Variants in RGPD3 observed in about 807,000 individuals in gnomAD.
RGPD3 encodes the protein ranBP2-like and GRIP domain-containing protein 3.
In RGPD3, 62 loss-of-function variants were observed where a neutral mutation model predicts 154.5. The ratio of observed to expected loss-of-function variants is 0.40; its 90% CI spans 0.33 to 0.50. The LOEUF is 0.50. RGPD3 is among the 20% of genes least tolerant of loss of function. RGPD3 has a pLI of 0.59. For synonymous variants in RGPD3, 308 were observed against 607.0 expected (o/e 0.51, Z 7.24); for missense variants, 919 against 1,716.8 (o/e 0.54, Z 8.21).
In RGPD3 at chr2:106,426,106, A is replaced by G; in HGVS notation, c.2606-18T>C. The G allele has an allele frequency of 6.3e-7, 1 of 1,595,122 alleles. No homozygotes were observed. Among genetic ancestry groups the G allele is most frequent in the African/African-American group, 1.3e-5 (1 of 74,608 alleles). On this transcript the variant is annotated intron_variant, in intron 18 of 22. Transcript: ENST00000409886. The stretch of plus-strand genomic sequence containing the variant: ...AGTTGCAACTAAAAAAAAAAAAGAA[A>G]AGAAAGAAAACACTGTTAAAGTCTA...
chr2:106,418,919 C>A (rs1676897627), intron 20 of RGPD3, among the ~76,000 whole-genome samples: 1 of 146,462 alleles, frequency 6.8e-6, no homozygotes, highest in African/African-American at 2.5e-5. Context: ...TATTGACTCC[C>A]AAAAATCTGA....
rs1379992057 is a variant in RGPD3 at position 106,468,324 on chromosome 2, C to A, written c.-36G>T. The stretch of plus-strand genomic sequence containing the variant: ...ACCTGGCTCCCGAGATGCGTGAGAC[C>A]AGCGCTCAGCCCCGCAGCAGTCGCC... On this transcript the variant is annotated 5_prime_UTR_variant, in exon 1 of 23. Coordinates refer to ENST00000409886, the MANE Select transcript of RGPD3 (RefSeq NM_001144013.2). 1 of 1,584,254 alleles carries A rather than the reference C, an allele frequency of 6.3e-7. No homozygotes were observed. The highest frequency in any genetic ancestry group is 2.3e-5 in the East Asian group (1 of 43,444).
At chr2:106,442,469 T>A in intron 7 of RGPD3, among the ~76,000 whole-genome samples, 1 of 116,280 alleles carries the variant, frequency 8.6e-6, no homozygotes, top group Non-Finnish European at 1.8e-5. Context: ...AACCAGGAAA[T>A]TAAAGAGATC....
intron 22 of RGPD3, among the ~76,000 whole-genome samples, chr2:106,412,531 G>T (rs1194247533): frequency 1.3e-5 from 2 of 151,224 alleles, no homozygotes; most frequent in African/African-American, 4.9e-5. Context: ...GATGGTCTCG[G>T]TATCTTGATC....
intron 22 of RGPD3, among the ~76,000 whole-genome samples, chr2:106,406,075 CAGA>C (rs1216804885): frequency 1.3e-5 from 2 of 150,918 alleles, no homozygotes; most frequent in Non-Finnish European, 3.0e-5. Flanking sequence ...TCTTTTAAAA[CAGA>C]AGCTTATATA....
At chr2:106,448,107 T>C (rs1408473388) in intron 6 of RGPD3, among the ~76,000 whole-genome samples, 2 of 148,790 alleles carry the variant, frequency 1.3e-5, no homozygotes, top group Admixed American at 6.7e-5. Flanking sequence ...AAATAAATTG[T>C]CTTTTTTTTT....
intron 20 of RGPD3, among the ~76,000 whole-genome samples, chr2:106,422,082 C>G (rs568609868): frequency 2.0e-5 from 3 of 152,212 alleles, no homozygotes; most frequent in African/African-American, 7.2e-5. Flanking sequence ...TACCTTTGCT[C>G]TCAGGCTGTG....
At chr2:106,460,331 T>G (rs565605712) in intron 1 of RGPD3, among the ~76,000 whole-genome samples, 1 of 151,846 alleles carries the variant, frequency 6.6e-6, no homozygotes, top group East Asian at 1.9e-4. Context: ...TCCTACCATG[T>G]GTAAAAGCCT....
chr2:106,441,813 G>A (rs548225816), intron 7 of RGPD3, among the ~76,000 whole-genome samples: 118 of 136,872 alleles, frequency 8.6e-4, no homozygotes, highest in African/African-American at 2.7e-3. Flanking sequence ...GTAGTGCGCC[G>A]AGACTGTGCC....
intron 7 of RGPD3, among the ~76,000 whole-genome samples, chr2:106,445,504 G>A (rs71239663): frequency 0.12 from 17,289 of 143,412 alleles, 13 homozygotes; most frequent in Non-Finnish European, 0.15. Flanking sequence ...TTTACAGGCC[G>A]GGCTCAATGG....
intron 22 of RGPD3, among the ~76,000 whole-genome samples, chr2:106,409,415 G>T (rs1274706237): frequency 6.6e-6 from 1 of 152,090 alleles, no homozygotes; most frequent in East Asian, 2.0e-4. Context: ...AGAATTTTCA[G>T]TGAAGGCAGA....
chr2:106,438,311 CCT>C (rs1274544526), intron 9 of RGPD3, among the ~76,000 whole-genome samples: 1 of 151,414 alleles, frequency 6.6e-6, no homozygotes, highest in Non-Finnish European at 1.5e-5. Flanking sequence ...AAAGGGAGAC[CCT>C]GTCTCTACCA....
chr2:106,411,159 A>G (rs1676658703), intron 22 of RGPD3, among the ~76,000 whole-genome samples: 1 of 146,632 alleles, frequency 6.8e-6, no homozygotes, highest in African/African-American at 2.5e-5. Context: ...TAGTAAGTAT[A>G]CCAGATGATT....
chr2:106,467,079 C>T (rs1214471253), intron 1 of RGPD3, among the ~76,000 whole-genome samples: 1 of 119,378 alleles, frequency 8.4e-6, no homozygotes, highest in Non-Finnish European at 1.8e-5. Context: ...GACGCCTGAG[C>T]CATCGAGGCC....
In RGPD3 at chr2:106,425,093, G is replaced by A. The variant is rs1573255607; in HGVS notation, c.2874C>T (p.Gly958=). ...QAQDISGRKK[G]RGVIFGQTSS... Reference sequence around the variant, plus strand: ...TTGTTTGGCCAAAAATCACACCACGGCCCTTCTTCCGGCCACTAATATCCT... The same window carrying A: ...TTGTTTGGCCAAAAATCACACCACGACCCTTCTTCCGGCCACTAATATCCT... The change falls in exon 20 of 23, where the codon GGC becomes GGT. Residue 958 remains glycine (G), a synonymous_variant. Coordinates refer to ENST00000409886, the MANE Select transcript of RGPD3 (RefSeq NM_001144013.2). 3 of 1,611,888 alleles carry A rather than the reference G, an allele frequency of 1.9e-6. No homozygotes were observed. In the African/African-American group the frequency reaches 4.0e-5, roughly 22 times the overall value.
chr2:106,421,476 C>T (rs910000653), intron 20 of RGPD3, among the ~76,000 whole-genome samples: 13 of 151,524 alleles, frequency 8.6e-5, no homozygotes, highest in African/African-American at 3.1e-4. Context: ...TTTACTTTAT[C>T]ATTGTACTTG....
chr2:106,462,006 A>C lies in RGPD3; in HGVS notation c.73-2674T>G, dbSNP rs11887455. Among the ~76,000 whole-genome samples the C allele has an allele frequency of 5.7e-3, 865 of 151,348 alleles. 6 individuals carry two copies. Among genetic ancestry groups the C allele is most frequent in the African/African-American group, 0.018 (745 of 41,186 alleles). On this transcript the variant is annotated intron_variant, in intron 1 of 22. Coordinates refer to ENST00000409886, the MANE Select transcript of RGPD3 (RefSeq NM_001144013.2). ...CAGCTCACTGCAACCTCTGCCTCCC[A>C]GGTACAAGCTGGGACTACAGGCGCA...
In RGPD3 at chr2:106,447,599, A is replaced by G. The variant is rs1481780023; in HGVS notation, c.797T>C (p.Leu266Pro). ...RELLESFDSA[L>P]QSAKSSLGGN... is the part of the protein sequence containing the mutation. ...ACCCAAAGAAGATTTCGCAGACTGA[A>G]GAGCACTATCAAAACTGTAATATGA... is the stretch of plus-strand genomic sequence containing the variant. Residue 266 changes from leucine (L) to proline (P), a missense_variant, in exon 7 of 23, where the codon CTT becomes CCT. Transcript: ENST00000409886. 5.9e-6 allele frequency: 1 copy of G among 169,692 alleles called. No homozygotes were observed. The highest frequency in any genetic ancestry group is 1.3e-4 in the East Asian group (1 of 7,812). The allele number at this position is 169,692 out of a possible 1,614,324, so 10.5% of individuals were successfully genotyped here.
In RGPD3 at chr2:106,444,679, A is replaced by G. The variant is rs1573282223; in HGVS notation, c.978+2739T>C. On this transcript the variant is annotated intron_variant, in intron 7 of 22. Coordinates refer to ENST00000409886, the MANE Select transcript of RGPD3 (RefSeq NM_001144013.2). ...GTCTTTACAAAAAATTTAACAATGT[A>G]GCCAGGCATGGTGGCAGGCACCTGT... 2.0e-5 allele frequency among the ~76,000 whole-genome samples: 3 copies of G among 146,708 alleles called. No individual in the cohort carries two copies. In the South Asian group the frequency reaches 6.4e-4, roughly 31 times the overall value.
Sources: allele counts gnomAD v4.1 joint callset (sites outside exome capture counted in the v4.1 genomes callset), GRCh38; gene constraint gnomAD v4.1.1; transcripts MANE v1.5; gene names NCBI Gene and HGNC (gene_info 2026-07-23, HGNC 2026-07-21).